GAP43: variants seen among roughly 807,000 people sequenced by gnomAD.
GAP43 encodes the protein neuromodulin.
Under a neutral mutation model 18.6 loss-of-function variants are expected in GAP43, and 6 were observed. The ratio of observed to expected loss-of-function variants is 0.32; its 90% confidence interval spans 0.18 to 0.64. The LOEUF (loss-of-function observed/expected upper bound fraction) is 0.64. GAP43 is among the 30% of genes least tolerant of loss of function. The pLI, the probability that GAP43 is intolerant of heterozygous loss-of-function variation, is 0.78. For synonymous variants in GAP43, 115 were observed against 111.4 expected, an observed-to-expected ratio of 1.03 and a Z score of -0.20; for missense variants, 292 against 295.5, an observed-to-expected ratio of 0.99 and a Z score of 0.09.
chr3:115,657,809 C>A (rs1708602642), intron 1 of GAP43, among the ~76,000 whole-genome samples: 1 of 152,160 alleles, frequency 6.6e-6, no homozygotes, highest in South Asian at 2.1e-4. Context: ...CTCCCCACCT[C>A]TGCCTCCCAA....
At chr3:115,636,724 T>C (rs1312460832) in intron 1 of GAP43, among the ~76,000 whole-genome samples, 3 of 152,140 alleles carry the variant, frequency 2.0e-5, no homozygotes, top group Non-Finnish European at 4.4e-5. Context: ...TATTTACTTA[T>C]GGTTGTGTTT....
rs566360733 is a variant in GAP43 at position 115,678,469 on chromosome 3, T to G, written c.628+1859T>G. Among the ~76,000 whole-genome samples the G allele has an allele frequency of 1.2e-4, 18 of 152,286 alleles. No homozygotes were observed. The South Asian group carries it at 3.3e-3, about 28-fold the overall frequency. The stretch of plus-strand genomic sequence containing the variant: ...TAAAAGAAATTAAGTTTTATTATGT[T>G]TCAGGTTATGATAACTAACTGCAAA... On this transcript the variant is annotated intron_variant, in intron 2 of 2. Transcript: ENST00000305124.
chr3:115,690,757 CT>C (rs71616327), intron 2 of GAP43, among the ~76,000 whole-genome samples: 109 of 110,948 alleles, frequency 9.8e-4, no homozygotes, highest in East Asian at 1.0e-3. Context: ...TTCTTTCTTT[CT>C]TTTTTTTTTT....
At chr3:115,653,144 A>G (rs575405622) in intron 1 of GAP43, among the ~76,000 whole-genome samples, 1 of 152,250 alleles carries the variant, frequency 6.6e-6, no homozygotes, top group South Asian at 2.1e-4. Context: ...TTTTGCCCAA[A>G]ATATGAGGTA....
intron 2 of GAP43, among the ~76,000 whole-genome samples, chr3:115,712,552 A>G (rs927144251): frequency 6.6e-5 from 10 of 152,346 alleles, no homozygotes; most frequent in Admixed American, 1.3e-4. Flanking sequence ...AATCTCGACA[A>G]ACTACATTCT....
chr3:115,688,925 A>G (rs1176482133), intron 2 of GAP43, among the ~76,000 whole-genome samples: 1 of 152,256 alleles, frequency 6.6e-6, no homozygotes, highest in Non-Finnish European at 1.5e-5. Context: ...AGGAGGCCTC[A>G]TATGATCTCA....
intron 2 of GAP43, among the ~76,000 whole-genome samples, chr3:115,702,292 A>G (rs1709305973): frequency 6.6e-6 from 1 of 152,234 alleles, no homozygotes; most frequent in African/African-American, 2.4e-5. Flanking sequence ...TGGTAATATA[A>G]ATCAGGTGGT....
chr3:115,642,801 A>G lies in GAP43; in HGVS notation c.30+19082A>G, dbSNP rs369842888. Among the ~76,000 whole-genome samples, 8 of 152,230 alleles carry G rather than the reference A, an allele frequency of 5.3e-5. No individual in the cohort carries two copies. The East Asian group carries it at 1.5e-3, about 29-fold the overall frequency. Reference sequence around the variant, plus strand: ...TGTTATTGTTGATGCTGTTGTTGATAATGATATTTTATCTACATTAAGTGA... The same window carrying G: ...TGTTATTGTTGATGCTGTTGTTGATGATGATATTTTATCTACATTAAGTGA... On this transcript the variant is annotated intron_variant, in intron 1 of 2. Coordinates refer to ENST00000305124, the MANE Select transcript of GAP43 (RefSeq NM_002045.4).
intron 2 of GAP43, among the ~76,000 whole-genome samples, chr3:115,712,018 G>A (rs1709446088): frequency 6.6e-6 from 1 of 152,010 alleles, no homozygotes; most frequent in Admixed American, 6.6e-5. Flanking sequence ...TTTCTAGTTG[G>A]GGAAGAAGAG....
At chr3:115,636,210 T>G (rs952439680) in intron 1 of GAP43, among the ~76,000 whole-genome samples, 1 of 152,122 alleles carries the variant, frequency 6.6e-6, no homozygotes, top group African/African-American at 2.4e-5. Flanking sequence ...ACTAACTATC[T>G]TCTTTGCAAA....
At chr3:115,623,862 A>G in intron 1 of GAP43, 143 bp downstream of exon 1, 1 of 814,722 alleles carries the variant, frequency 1.2e-6, no homozygotes, top group Non-Finnish European at 2.1e-6. Context: ...TGATGGTTGC[A>G]TCCCAGCTTT....
intron 2 of GAP43, among the ~76,000 whole-genome samples, chr3:115,697,334 C>T (rs1273185948): frequency 6.6e-6 from 1 of 152,074 alleles, no homozygotes; most frequent in Non-Finnish European, 1.5e-5. Flanking sequence ...GAAGAAGATA[C>T]CAAGCACATG....
chr3:115,641,923 G>A (rs74721435), intron 1 of GAP43, among the ~76,000 whole-genome samples: 2,581 of 152,072 alleles, frequency 0.017, 45 homozygotes, highest in Non-Finnish European at 0.022. Flanking sequence ...TGTCTAGTCC[G>A]CTCCCTCCTG....
At chr3:115,699,546 C>T (rs1459250561) in intron 2 of GAP43, among the ~76,000 whole-genome samples, 2 of 152,188 alleles carry the variant, frequency 1.3e-5, no homozygotes, top group Admixed American at 6.5e-5. Context: ...CTCTTCCCTC[C>T]TCCTCTTTCC....
At chr3:115,666,926 T>C (rs960069957) in intron 1 of GAP43, among the ~76,000 whole-genome samples, 3 of 152,144 alleles carry the variant, frequency 2.0e-5, no homozygotes, top group Non-Finnish European at 2.9e-5. Context: ...ATTGAAATAC[T>C]AAATATATAT....
chr3:115,720,283 A>G (rs761705527), intron 2 of GAP43, among the ~76,000 whole-genome samples: 4 of 152,210 alleles, frequency 2.6e-5, no homozygotes, highest in African/African-American at 9.6e-5. Context: ...TGCCCTCTCT[A>G]GGGACTTCAA....
chr3:115,691,103 T>C (rs1418026821), intron 2 of GAP43, among the ~76,000 whole-genome samples: 1 of 152,212 alleles, frequency 6.6e-6, no homozygotes, highest in African/African-American at 2.4e-5. Flanking sequence ...ATGGATAATC[T>C]GTCATCTTCC....
At position 115,670,543 on chromosome 3, in the gene GAP43, T is replaced by G. The variant is rs372489376; in HGVS notation, c.31-5470T>G. On this transcript the variant is annotated intron_variant, in intron 1 of 2. Coordinates refer to ENST00000305124, the MANE Select transcript of GAP43 (RefSeq NM_002045.4). ...GGGGTATTTTACTGTATTTTTGATC[T>G]TTGTCTAGGTTTAAAGAAAGTACAG... Among the ~76,000 whole-genome samples, 4 of 152,300 alleles carry G rather than the reference T, an allele frequency of 2.6e-5. No individual in the cohort carries two copies. In the East Asian group the frequency reaches 5.8e-4, roughly 22 times the overall value.
intron 1 of GAP43, among the ~76,000 whole-genome samples, chr3:115,639,350 A>G (rs779942679): frequency 6.6e-5 from 10 of 152,052 alleles, no homozygotes; most frequent in Non-Finnish European, 1.2e-4. Context: ...AAACTTCTTA[A>G]TATCTGGGCT....
Sources: allele counts gnomAD v4.1 joint callset (sites outside exome capture counted in the v4.1 genomes callset), GRCh38; gene constraint gnomAD v4.1.1; transcripts MANE v1.5; gene names NCBI Gene and HGNC (gene_info 2026-07-23, HGNC 2026-07-21).